Variants in FYTTD1 observed in about 807,000 individuals in gnomAD.
FYTTD1 encodes UAP56-interacting factor.
Under a neutral mutation model 40.9 loss-of-function variants are expected in FYTTD1, and 22 were observed. The observed-to-expected ratio is 0.54, with a 90% CI of 0.38 to 0.77. The LOEUF is 0.77. Among genes scored for constraint, FYTTD1 ranks in the 30% least tolerant of loss-of-function variants. FYTTD1 has a pLI of 0.00. For synonymous variants in FYTTD1, 140 were observed against 137.9 expected, an observed-to-expected ratio of 1.01 and a Z score of -0.10; for missense variants, 351 against 392.2, an observed-to-expected ratio of 0.90 and a Z score of 0.89.
Position 197,772,016 on chromosome 3 carries a change from C to T in FYTTD1, c.498-1387C>T, listed in dbSNP as rs1489869088. 2.0e-5 allele frequency among the ~76,000 whole-genome samples: 3 copies of T among 152,002 alleles called. No homozygotes were observed. In the East Asian group the frequency reaches 5.8e-4, roughly 29 times the overall value. Reference sequence around the variant, plus strand: ...GGCTGAGGCAGGAGAATCGCTTAAACCTGGGGGGCGGAAGTTGCAGTGAGT... The same window carrying T: ...GGCTGAGGCAGGAGAATCGCTTAAATCTGGGGGGCGGAAGTTGCAGTGAGT... On this transcript the variant is annotated intron_variant, in intron 4 of 8. Transcript: ENST00000241502.
intron 2 of FYTTD1, among the ~76,000 whole-genome samples, chr3:197,766,430 G>GGGGTGT (rs1553909117): frequency 1.5e-5 from 2 of 134,996 alleles, no homozygotes; most frequent in Non-Finnish European, 3.1e-5. Context: ...GTTTGAGACT[G>GGGGTGT]GTGTGTGTGT....
rs777670163 is a variant in FYTTD1, at chr3:197,756,380, T to G, written c.104-46T>G. 3.5e-6 allele frequency: 5 copies of G among 1,435,748 alleles called. No homozygotes were observed. In the South Asian group the frequency reaches 3.5e-5, roughly 10 times the overall value. The allele number at this position is 1,435,748 out of a possible 1,614,324, so 88.9% of individuals were successfully genotyped here. On this transcript the variant is annotated intron_variant, in intron 1 of 8. Coordinates refer to ENST00000241502, the MANE Select transcript of FYTTD1 (RefSeq NM_032288.7). ...TCAGCTAGAAAACGAAACTGAGTAA[T>G]TGAGTTAAGTTAAAATGAAAATAAT...
intron 8 of FYTTD1, among the ~76,000 whole-genome samples, chr3:197,779,529 CTTT>C (rs57263354): frequency 1.7e-5 from 2 of 118,404 alleles, no homozygotes; most frequent in Admixed American, 9.9e-5. Context: ...TTCCTTAGGA[CTTT>C]TTTTTTTTTT....
Position 197,768,463 on chromosome 3 carries a change from G to A in FYTTD1, c.260G>A (p.Arg87His), listed in dbSNP as rs3205525. The change falls in exon 3 of 9, where the codon CGT (arginine) becomes CAT (histidine). Residue 87 changes from arginine (R) to histidine (H), a missense_variant. Arg to His is a conservative substitution (Grantham distance 29, BLOSUM62 0). Transcript: ENST00000241502. The part of the protein sequence containing the change: ...NSGFGKTSLN[R>H]RGRVMPGKRR... ...GGTTTTGGTAAGACTAGTCTGAATC[G>A]TAGAGGAAGAGTAATGCCTGGAAAG... The A allele has an allele frequency of 0.83, 1,330,150 of 1,610,354 alleles. 555,675 individuals carry two copies. The highest frequency in any genetic ancestry group is 0.92 in the East Asian group (41,074 of 44,806).
chr3:197,771,166 G>A (rs1323447489), intron 4 of FYTTD1, among the ~76,000 whole-genome samples: 1 of 152,042 alleles, frequency 6.6e-6, no homozygotes, highest in East Asian at 1.9e-4. Flanking sequence ...CTAACCTGCT[G>A]GGCAACATAG....
rs765598012 is a variant in FYTTD1, at chr3:197,774,215, GT to G, written c.656+8del. 6.2e-7 allele frequency: 1 copy of G among 1,611,440 alleles called. No individual in the cohort carries two copies. The highest frequency in any genetic ancestry group is 8.5e-7 in the Non-Finnish European group (1 of 1,177,590). ...AGTAGCAAAGAGAACTCGTCAGTAA[GT>G]TTCCATTTGTTTTTTAAGATGTTAT... On this transcript the variant is annotated splice_donor_region_variant and intron_variant, in intron 6 of 8. Transcript: ENST00000241502.
At chr3:197,752,640 C>G (rs767826527) in intron 1 of FYTTD1, among the ~76,000 whole-genome samples, 1 of 151,626 alleles carries the variant, frequency 6.6e-6, no homozygotes, top group East Asian at 1.9e-4. Context: ...TATTTTTATA[C>G]ATACACTATA....
At chr3:197,771,669 T>G (rs1729721158) in intron 4 of FYTTD1, among the ~76,000 whole-genome samples, 1 of 141,464 alleles carries the variant, frequency 7.1e-6, no homozygotes, top group African/African-American at 2.7e-5. Context: ...CCCAGCTACT[T>G]GGGAGGCTGA....
intron 1 of FYTTD1, among the ~76,000 whole-genome samples, chr3:197,752,891 A>T (rs1729106166): frequency 6.6e-6 from 1 of 152,168 alleles, no homozygotes; most frequent in Non-Finnish European, 1.5e-5. Flanking sequence ...TTTCAGTCTG[A>T]TTCTAGAGCC....
chr3:197,767,509 A>G (rs561508712), intron 2 of FYTTD1, among the ~76,000 whole-genome samples: 49 of 147,464 alleles, frequency 3.3e-4, no homozygotes, highest in Non-Finnish European at 6.4e-4. Flanking sequence ...TTTTTAATCT[A>G]TTTATTTTTT....
rs543620468 is a variant in FYTTD1, at chr3:197,750,019, G to C, written c.48G>C (p.Ser16=). The change falls in exon 1 of 9, where the codon TCG becomes TCC. Residue 16 remains serine, a synonymous_variant. Coordinates refer to ENST00000241502, the MANE Select transcript of FYTTD1 (RefSeq NM_032288.7). Reference sequence around the variant, plus strand: ...TGGTGGGAGCCACGGCGACTTCTTCGCCGCCGCCGAAGGCCCGCAGCAATG... The same window carrying C: ...TGGTGGGAGCCACGGCGACTTCTTCCCCGCCGCCGAAGGCCCGCAGCAATG... ...TRLVGATATS[S]PPPKARSNEN... The C allele has an allele frequency of 5.0e-6, 8 of 1,584,600 alleles. No homozygotes were observed. The highest frequency in any genetic ancestry group is 6.9e-6 in the Non-Finnish European group (8 of 1,167,064).
chr3:197,782,148 A>G lies in FYTTD1; in HGVS notation c.*239A>G, dbSNP rs139308112. On this transcript the variant is annotated 3_prime_UTR_variant, in exon 9 of 9. Coordinates refer to ENST00000241502, the MANE Select transcript of FYTTD1 (RefSeq NM_032288.7). ...TTTCATGGTTGGCTCAGACAGAACA[A>G]TCATCTGTTTGACTTCTTTGGTTCC... is the stretch of plus-strand genomic sequence containing the variant. 5.3e-5 allele frequency: 16 copies of G among 301,314 alleles called. No individual in the cohort carries two copies. The highest frequency in any genetic ancestry group is 2.6e-4 in the African/African-American group (12 of 46,426). The allele number at this position is 301,314 out of a possible 1,614,324, so 18.7% of individuals were successfully genotyped here. A position where few individuals can be genotyped will look rare whatever the true frequency, so the allele number is the denominator to read the frequency against.
At chr3:197,762,212 G>A (rs894874794) in intron 2 of FYTTD1, among the ~76,000 whole-genome samples, 1 of 149,926 alleles carries the variant, frequency 6.7e-6, no homozygotes, top group Non-Finnish European at 1.5e-5. Flanking sequence ...TGAGAATCTA[G>A]TTGTCTTCTA....
chr3:197,782,001 A>C lies in FYTTD1; in HGVS notation c.*92A>C, dbSNP rs764249987. On this transcript the variant is annotated 3_prime_UTR_variant, in exon 9 of 9. Coordinates refer to ENST00000241502, the MANE Select transcript of FYTTD1 (RefSeq NM_032288.7). Reference sequence around the variant, plus strand: ...GGAAATTCAAGAAACTTTACTTCAAAATATTCACAAGGCTAAATAACTCTT... The same window carrying C: ...GGAAATTCAAGAAACTTTACTTCAACATATTCACAAGGCTAAATAACTCTT... 3.6e-5 allele frequency: 23 copies of C among 631,358 alleles called. No individual in the cohort carries two copies. Among genetic ancestry groups the C allele is most frequent in the Non-Finnish European group, 6.0e-5 (23 of 382,882 alleles). The allele number at this position is 631,358 out of a possible 1,614,324, so 39.1% of individuals were successfully genotyped here.
chr3:197,780,474 A>G (rs1729999437), intron 8 of FYTTD1, among the ~76,000 whole-genome samples: 1 of 152,148 alleles, frequency 6.6e-6, no homozygotes, highest in African/African-American at 2.4e-5. Flanking sequence ...GTATACTTGT[A>G]TGCATGCCTT....
At chr3:197,757,940 G>T (rs1002056980) in intron 2 of FYTTD1, among the ~76,000 whole-genome samples, 1 of 152,208 alleles carries the variant, frequency 6.6e-6, no homozygotes, top group Non-Finnish European at 1.5e-5. Flanking sequence ...TTTTGCTCTT[G>T]TTGCCCAGGC....
chr3:197,772,181 T>C (rs1300159487), intron 4 of FYTTD1, among the ~76,000 whole-genome samples: 2 of 152,240 alleles, frequency 1.3e-5, no homozygotes, highest in Non-Finnish European at 1.5e-5. Flanking sequence ...TAGTACCTTT[T>C]GTGAAAGGGG....
At chr3:197,773,610 A>G (rs950945569) in intron 5 of FYTTD1, 111 bp downstream of exon 5, 2 of 629,828 alleles carry the variant, frequency 3.2e-6, no homozygotes, top group Non-Finnish European at 5.7e-6. Context: ...TGGGTTCAGG[A>G]TGTGAGGCAC....
At chr3:197,768,684 A>C (rs1157426940) in intron 3 of FYTTD1, 97 bp downstream of exon 3, 10 of 1,055,840 alleles carry the variant, frequency 9.5e-6, no homozygotes, top group Non-Finnish European at 1.3e-5. Context: ...ATTTGTTTTT[A>C]TGTAGTACTT....
Sources: gnomAD v4.1 joint callset for allele counts (sites outside exome capture counted in the v4.1 genomes callset) on GRCh38, gnomAD v4.1.1 for gene constraint, MANE v1.5 for transcripts, NCBI Gene and HGNC (gene_info 2026-07-23, HGNC 2026-07-21) for gene names.